Variants in WDPCP observed in about 807,000 individuals in gnomAD.
WDPCP encodes the protein WD repeat containing planar cell polarity effector.
Under a neutral mutation model 93.1 loss-of-function variants are expected in WDPCP, and 71 were observed. The observed-to-expected ratio is 0.76, with a 90% confidence interval of 0.63 to 0.93. The LOEUF is 0.93. Among genes scored for constraint, WDPCP ranks in the 40% least tolerant of loss-of-function variants. WDPCP has a pLI of 0.00. For missense variants in WDPCP, 844 were observed against 887.4 expected, an observed-to-expected ratio of 0.95 and a Z score of 0.62; for synonymous variants, 315 against 315.0, an observed-to-expected ratio of 1.00 and a Z score of 0.00.
chr2:63,313,503 G>A (rs1014915884), intron 12 of WDPCP, among the ~76,000 whole-genome samples, 192 bp from the exon 13 acceptor site: 12 of 152,212 alleles, frequency 7.9e-5, no homozygotes, highest in South Asian at 6.2e-4. Flanking sequence ...GGGCTGAGGC[G>A]CAGAGCCTGT....
chr2:63,662,712 G>C (rs1710239446), intron 2 of WDPCP, among the ~76,000 whole-genome samples: 1 of 151,966 alleles, frequency 6.6e-6, no homozygotes, highest in South Asian at 2.1e-4. Context: ...CTGGAGAGAG[G>C]GGTAGGTGGC....
intron 14 of WDPCP, among the ~76,000 whole-genome samples, chr2:63,234,278 T>C (rs1022927445): frequency 4.1e-5 from 6 of 147,126 alleles, no homozygotes; most frequent in Non-Finnish European, 7.7e-5. Context: ...ATCTATCTTT[T>C]AGTGTTGTTG....
At chr2:63,635,575 T>C (rs190996121) in intron 3 of WDPCP, among the ~76,000 whole-genome samples, 3 of 152,258 alleles carry the variant, frequency 2.0e-5, no homozygotes, top group East Asian at 1.9e-4. Flanking sequence ...ATAAAGATGA[T>C]ACACCAGATT....
chr2:63,798,237 A>G (rs1283070362), intron 2 of WDPCP, among the ~76,000 whole-genome samples: 1 of 152,224 alleles, frequency 6.6e-6, no homozygotes, highest in Non-Finnish European at 1.5e-5. Context: ...CTGAAGATAC[A>G]AAACTCACTG....
chr2:63,553,784 A>T (rs568555764), intron 1 of WDPCP, among the ~76,000 whole-genome samples: 10 of 152,196 alleles, frequency 6.6e-5, no homozygotes, highest in South Asian at 4.1e-4. Context: ...AATGATTTTT[A>T]AAAAAAACTC....
chr2:63,197,178 A>G (rs1675502788), intron 14 of WDPCP, among the ~76,000 whole-genome samples: 1 of 152,078 alleles, frequency 6.6e-6, no homozygotes, highest in Non-Finnish European at 1.5e-5. Flanking sequence ...AGCCTACTCA[A>G]CACAAAGACA....
intron 1 of WDPCP, among the ~76,000 whole-genome samples, chr2:63,537,554 C>T (rs1404590168): frequency 6.6e-6 from 1 of 152,204 alleles, no homozygotes; most frequent in South Asian, 2.1e-4. Flanking sequence ...TCTTAGGGTC[C>T]TATGAGTCAT....
rs548519590 is a variant in WDPCP, at chr2:63,780,969, C to G, written n.308+32653G>C. On this transcript the variant is annotated intron_variant and non_coding_transcript_variant, in intron 2 of 4. Coordinates refer to the WDPCP transcript ENST00000467687. ...TAGTCATTTTGCATTCCTCCCTCAC[C>G]AAATAAAACCACTTCAGAAATGGAT... Among the ~76,000 whole-genome samples, 3 of 152,212 alleles carry G rather than the reference C, an allele frequency of 2.0e-5. No homozygotes were observed. The South Asian group carries it at 6.2e-4, about 32-fold the overall frequency.
At chr2:63,685,268 C>T (rs1432745289) in intron 2 of WDPCP, among the ~76,000 whole-genome samples, 2 of 151,996 alleles carry the variant, frequency 1.3e-5, no homozygotes, top group African/African-American at 4.8e-5. Context: ...GATGAAAAAG[C>T]AGACATTAGA....
chr2:63,382,189 C>T (rs1692371004), intron 10 of WDPCP, 95 bp from the exon 11 acceptor site: 1 of 1,280,666 alleles, frequency 7.8e-7, no homozygotes, highest in African/African-American at 1.5e-5. Flanking sequence ...ACCTATATTG[C>T]TTGCATTAAG....
At chr2:63,643,796 G>A (rs1481003010) in intron 3 of WDPCP, 2 of 540,382 alleles carry the variant, frequency 3.7e-6, no homozygotes, top group African/African-American at 3.8e-5. Flanking sequence ...ATGAATCCAA[G>A]CAGGGTAGGT....
chr2:63,637,576 C>T (rs1284451477), intron 3 of WDPCP, among the ~76,000 whole-genome samples: 1 of 151,682 alleles, frequency 6.6e-6, no homozygotes, highest in African/African-American at 2.4e-5. Context: ...AACAGACAAA[C>T]AAAAAAACAA....
chr2:63,426,329 G>A (rs1696292367), intron 9 of WDPCP, among the ~76,000 whole-genome samples: 2 of 151,980 alleles, frequency 1.3e-5, no homozygotes, highest in South Asian at 4.1e-4. Flanking sequence ...GTGACAGAGT[G>A]AGACTCTGTC....
intron 14 of WDPCP, among the ~76,000 whole-genome samples, chr2:63,227,626 A>G (rs1278202388): frequency 6.6e-6 from 1 of 152,058 alleles, no homozygotes; most frequent in South Asian, 2.1e-4. Context: ...TTTGTAGTCA[A>G]ACAGGCATGG....
chr2:63,368,301 T>A lies in WDPCP; in HGVS notation c.1748+10085A>T, dbSNP rs756814544. Among the ~76,000 whole-genome samples, 45 of 41,730 alleles carry A rather than the reference T, an allele frequency of 1.1e-3. 1 individual carries two copies. The highest frequency in any genetic ancestry group is 4.5e-3 in the Admixed American group (19 of 4,206). 27.4% of individuals were successfully genotyped at this position (41,730 alleles called of 152,430 possible). A position where few individuals can be genotyped will look rare whatever the true frequency, so the allele number is the denominator to read the frequency against. On this transcript the variant is annotated intron_variant, in intron 12 of 17. Coordinates refer to ENST00000272321, the MANE Select transcript of WDPCP (RefSeq NM_015910.7). ...AGTTCTACTAAGTTTATTTTTAATT[T>A]ATTTATTTATTTATTTATTTATTTA...
intron 14 of WDPCP, among the ~76,000 whole-genome samples, chr2:63,183,157 T>C (rs1226506000): frequency 6.6e-6 from 1 of 152,006 alleles, no homozygotes; most frequent in African/African-American, 2.4e-5. Context: ...TGATTTGTTA[T>C]TTGTTTTCTG....
the WDPCP span, among the ~76,000 whole-genome samples, chr2:63,835,161 C>A: frequency 4.6e-5 from 7 of 151,258 alleles, no homozygotes; most frequent in South Asian, 2.1e-4. Context: ...CCGAGGTGGG[C>A]GGATCACTTG....
chr2:63,192,596 A>G (rs758328769), intron 14 of WDPCP, among the ~76,000 whole-genome samples: 13 of 152,216 alleles, frequency 8.5e-5, no homozygotes, highest in South Asian at 2.1e-4. Context: ...CTCTAAACCA[A>G]TATCTATTAA....
chr2:63,463,617 T>C (rs1399744383), intron 6 of WDPCP, among the ~76,000 whole-genome samples: 5 of 152,086 alleles, frequency 3.3e-5, no homozygotes, highest in Non-Finnish European at 1.5e-5. Context: ...TCAAAAACAG[T>C]GTGGTTCTGG....
Sources: allele counts gnomAD v4.1 joint callset (sites outside exome capture counted in the v4.1 genomes callset), GRCh38; gene constraint gnomAD v4.1.1; transcripts MANE v1.5; gene names NCBI Gene and HGNC (gene_info 2026-07-23, HGNC 2026-07-21).